ZNF160: variants seen among roughly 807,000 people sequenced by gnomAD.
The protein encoded by ZNF160 is KRAB zinc finger protein KR18.
A neutral mutation model predicts 13.1 loss-of-function variants in ZNF160; 9 were observed. That is an observed-to-expected ratio of 0.69 (90% confidence interval 0.41 to 1.20). The LOEUF is 1.20. Among genes scored for constraint, ZNF160 ranks in the 50% most tolerant of loss-of-function variants. The pLI, the probability that ZNF160 is intolerant of heterozygous loss-of-function variation, is 0.01. For missense variants in ZNF160, 838 were observed against 988.0 expected, an observed-to-expected ratio of 0.85 and a Z score of 2.04; for synonymous variants, 293 against 333.2, an observed-to-expected ratio of 0.88 and a Z score of 1.31.
chr19:53,093,546 A>C (rs138071662), intron 1 of ZNF160: 1 of 152,308 alleles, frequency 6.6e-6, no homozygotes, highest in East Asian at 1.9e-4. Flanking sequence ...ACATAACACC[A>C]AGTGAAACTC....
rs1449889510 is a variant in ZNF160 at position 53,070,186 on chromosome 19, C to A, written c.348G>T (p.Val116=). Residue 116 remains valine (V), a synonymous_variant, in exon 6 of 6, where the codon GTG becomes GTT. Coordinates refer to ENST00000683776, the MANE Select transcript of ZNF160 (RefSeq NM_001322131.2). The stretch of plus-strand genomic sequence containing the variant: ...CAGGGCTTTCGTGTCTTTCCAACAC[C>A]ACTGTGTGGAATACTGCTTCTGTAC... ...KSSTEAVFHT[V]VLERHESPDI... is the part of the protein sequence containing the mutation. The A allele has an allele frequency of 6.2e-7, 1 of 1,613,950 alleles. No homozygotes were observed. The highest frequency in any genetic ancestry group is 8.5e-7 in the Non-Finnish European group (1 of 1,179,988).
chr19:53,079,192 C>G (rs985873499), intron 3 of ZNF160, among the ~76,000 whole-genome samples: 1 of 152,068 alleles, frequency 6.6e-6, no homozygotes, highest in African/African-American at 2.4e-5. Context: ...GGACCAAAAC[C>G]ACATGCTCAT....
chr19:53,074,081 T>C (rs2084285482), intron 5 of ZNF160, 59 bp downstream of exon 5: 15 of 1,555,144 alleles, frequency 9.6e-6, no homozygotes, highest in Non-Finnish European at 1.2e-5. Context: ...TGAGCTACTG[T>C]GCCCCCTCCC....
At chr19:53,079,549 TAA>T (rs56752437) in intron 3 of ZNF160, among the ~76,000 whole-genome samples, 87 of 100,382 alleles carry the variant, frequency 8.7e-4, no homozygotes, top group Non-Finnish European at 1.2e-3. Context: ...AAACTCCATC[TAA>T]AAAAAAAAAA....
intron 5 of ZNF160, chr19:53,073,156 A>C (rs988377231): frequency 7.2e-7 from 1 of 1,392,264 alleles, no homozygotes; most frequent in African/African-American, 1.5e-5. Flanking sequence ...GTGGTAACCC[A>C]CATTCTACTC....
chr19:53,071,027 C>T (rs918896215), intron 5 of ZNF160, among the ~76,000 whole-genome samples: 2 of 151,828 alleles, frequency 1.3e-5, no homozygotes, highest in Non-Finnish European at 2.9e-5. Flanking sequence ...GAAACCCCAT[C>T]TCTACTAAAA....
intron 5 of ZNF160, chr19:53,073,368 A>C (rs752222713): frequency 1.9e-6 from 3 of 1,598,170 alleles, no homozygotes; most frequent in Admixed American, 3.3e-5. Context: ...CTTATCACAC[A>C]CCCCCATGAA....
At chr19:53,100,980 C>CA (rs144340073) in intron 1 of ZNF160, among the ~76,000 whole-genome samples, 5 of 149,338 alleles carry the variant, frequency 3.3e-5, no homozygotes, top group Admixed American at 1.3e-4. Flanking sequence ...ACCTCCATCT[C>CA]AAAAAAAATA....
chr19:53,082,970 G>A (rs1262646318), intron 3 of ZNF160, among the ~76,000 whole-genome samples: 1 of 152,158 alleles, frequency 6.6e-6, no homozygotes, highest in Non-Finnish European at 1.5e-5. Context: ...ACCTCAGGGA[G>A]ACACTTTATG....
chr19:53,067,236 C>T lies in ZNF160; in HGVS notation c.*841G>A, dbSNP rs1275193360. 1 of 152,206 alleles carries T rather than the reference C, an allele frequency of 6.6e-6. No homozygotes were observed. The highest frequency in any genetic ancestry group is 1.5e-5 in the Non-Finnish European group (1 of 68,052). 9.4% of individuals were successfully genotyped at this position (152,206 alleles called of 1,614,324 possible). ...CCTATTACTCTCCTCCCACAAAAAT[C>T]CCAATGTCCTAAGGTCTTGGCCTGC... On this transcript the variant is annotated 3_prime_UTR_variant, in exon 6 of 6. Coordinates refer to ENST00000683776, the MANE Select transcript of ZNF160 (RefSeq NM_001322131.2).
intron 3 of ZNF160, chr19:53,075,686 T>C (rs1388131742): frequency 1.2e-5 from 6 of 515,122 alleles, no homozygotes; most frequent in Admixed American, 1.9e-5. Context: ...AACTAATAGA[T>C]CACTTCCATC....
At chr19:53,083,074 G>T (rs1481241802) in intron 3 of ZNF160, among the ~76,000 whole-genome samples, 1 of 152,158 alleles carries the variant, frequency 6.6e-6, no homozygotes, top group African/African-American at 2.4e-5. Context: ...GAACTTCCAT[G>T]CCCTCCCTGA....
intron 2 of ZNF160, among the ~76,000 whole-genome samples, chr19:53,087,132 G>A (rs892606456): frequency 1.3e-5 from 2 of 152,246 alleles, no homozygotes; most frequent in Non-Finnish European, 2.9e-5. Context: ...AGGCCAGGGA[G>A]TTCTAGGCAG....
chr19:53,080,390 T>G (rs999765082), intron 3 of ZNF160, among the ~76,000 whole-genome samples: 1 of 152,176 alleles, frequency 6.6e-6, no homozygotes, highest in Non-Finnish European at 1.5e-5. Context: ...TGAGCCACTG[T>G]GCCCGGCCCA....
Position 53,102,615 on chromosome 19 carries a change from T to C in ZNF160, c.-354+650A>G, listed in dbSNP as rs192545966. Among the ~76,000 whole-genome samples, 114 of 152,354 alleles carry C rather than the reference T, an allele frequency of 7.5e-4. 1 individual carries two copies. The highest frequency in any genetic ancestry group is 1.2e-3 in the Non-Finnish European group (85 of 68,034). Reference sequence around the variant, plus strand: ...GCAAATCTCTCACCCATCCTCCACTTTGCCATCTGTTTATGGGTCTCCCTC... The same window carrying C: ...GCAAATCTCTCACCCATCCTCCACTCTGCCATCTGTTTATGGGTCTCCCTC... On this transcript the variant is annotated intron_variant, in intron 1 of 5. Transcript: ENST00000683776.
intron 4 of ZNF160, 64 bp downstream of exon 4, chr19:53,074,993 C>T (rs2084329722): frequency 3.7e-6 from 6 of 1,609,320 alleles, no homozygotes; most frequent in African/African-American, 2.7e-5. Flanking sequence ...TCCAGGGACT[C>T]GTAAGGGAAA....
chr19:53,098,718 G>A (rs1316484373), intron 1 of ZNF160, among the ~76,000 whole-genome samples: 3 of 151,512 alleles, frequency 2.0e-5, no homozygotes, highest in Non-Finnish European at 2.9e-5. Flanking sequence ...AGGGAATCCA[G>A]GACCCCTGAC....
Position 53,074,420 on chromosome 19 carries a change from C to T in ZNF160, c.143-152G>A, listed in dbSNP as rs1294324869. The T allele has an allele frequency of 5.3e-6, 7 of 1,327,972 alleles. No individual in the cohort carries two copies. In the South Asian group the frequency reaches 1.2e-4, roughly 22 times the overall value. 82.3% of individuals were successfully genotyped at this position (1,327,972 alleles called of 1,614,324 possible). A position where few individuals can be genotyped will look rare whatever the true frequency, so the allele number is the denominator to read the frequency against. ...CGGTGGCTCATGCCTGTAATCCCAG[C>T]ATTTTGGGAAGCTGAGGTGGGTGGA... On this transcript the variant is annotated intron_variant, in intron 4 of 5. Coordinates refer to ENST00000683776, the MANE Select transcript of ZNF160 (RefSeq NM_001322131.2).
chr19:53,071,163 TCCAACC>T, intron 5 of ZNF160, among the ~76,000 whole-genome samples: 1 of 152,172 alleles, frequency 6.6e-6, no homozygotes, highest in East Asian at 1.9e-4. Flanking sequence ...GCCACTGCAC[TCCAACC>T]TGGGCGACAA....
Sources: allele counts gnomAD v4.1 joint callset (sites outside exome capture counted in the v4.1 genomes callset), GRCh38; gene constraint gnomAD v4.1.1; transcripts MANE v1.5; gene names NCBI Gene and HGNC (gene_info 2026-07-23, HGNC 2026-07-21).